The following WDFY4 variants were observed in gnomAD, a reference collection of about 807,000 sequenced individuals.
The protein encoded by WDFY4 is WDFY family member 4.
WDFY4 carries 169 observed loss-of-function variants against 351.9 expected under a neutral mutation model. The ratio of observed to expected loss-of-function variants is 0.48; its 90% confidence interval spans 0.42 to 0.55. The LOEUF (loss-of-function observed/expected upper bound fraction) is 0.55, where lower values mean the gene tolerates loss of function less well. WDFY4 is among the 20% of genes least tolerant of loss of function. The pLI, the probability that WDFY4 is intolerant of heterozygous loss-of-function variation, is 0.00. For synonymous variants in WDFY4, 1,622 were observed against 1,574.6 expected, an observed-to-expected ratio of 1.03 and a Z score of -0.71; for missense variants, 3,803 against 3,935.6, an observed-to-expected ratio of 0.97 and a Z score of 0.90.
intron 51 of WDFY4, among the ~76,000 whole-genome samples, chr10:48,953,948 A>C (rs1007290877): frequency 5.9e-5 from 9 of 152,204 alleles, no homozygotes; most frequent in African/African-American, 2.2e-4. Flanking sequence ...TTTAATATAG[A>C]ACATTTCTTT....
intron 47 of WDFY4, among the ~76,000 whole-genome samples, chr10:48,927,664 A>G (rs1227623079): frequency 2.0e-5 from 3 of 152,220 alleles, no homozygotes; most frequent in Non-Finnish European, 4.4e-5. Context: ...GTGGCTCTGC[A>G]CATGTGCTGC....
chr10:48,762,821 G>T (rs2065551189), intron 13 of WDFY4, among the ~76,000 whole-genome samples: 1 of 152,226 alleles, frequency 6.6e-6, no homozygotes, highest in African/African-American at 2.4e-5. Context: ...AGCAGAAGCT[G>T]CCAGGCCTGC....
At chr10:48,891,365 G>T (rs1029062552) in intron 44 of WDFY4, among the ~76,000 whole-genome samples, 2 of 152,198 alleles carry the variant, frequency 1.3e-5, no homozygotes, top group Non-Finnish European at 2.9e-5. Context: ...AAGTGCAGTT[G>T]GTCTATTTGG....
chr10:48,947,047 T>A, intron 51 of WDFY4, 78 bp downstream of exon 51: 1 of 1,213,814 alleles, frequency 8.2e-7, no homozygotes, highest in South Asian at 1.4e-5. Flanking sequence ...GACTAAGACC[T>A]GTGCTTGAAC....
intron 7 of WDFY4, 22 bp downstream of exon 7, chr10:48,727,681 G>A (rs994750691): frequency 5.8e-6 from 9 of 1,550,800 alleles, no homozygotes; most frequent in African/African-American, 5.5e-5. Flanking sequence ...TGTTTGGTAC[G>A]GGGAGAGCAC....
intron 51 of WDFY4, among the ~76,000 whole-genome samples, chr10:48,947,176 C>T (rs571089535): frequency 6.6e-6 from 1 of 152,092 alleles, no homozygotes; most frequent in Non-Finnish European, 1.5e-5. Flanking sequence ...TACACCTGCA[C>T]ATCTGCCCAA....
intron 40 of WDFY4, among the ~76,000 whole-genome samples, chr10:48,869,971 G>A (rs2069701356): frequency 6.6e-6 from 1 of 152,208 alleles, no homozygotes; most frequent in South Asian, 2.1e-4. Context: ...GAAGAATGCA[G>A]GGAAACGCAG....
At chr10:48,880,174 G>A (rs182818114) in intron 43 of WDFY4, among the ~76,000 whole-genome samples, 1 of 152,278 alleles carries the variant, frequency 6.6e-6, no homozygotes, top group East Asian at 1.9e-4. Flanking sequence ...TCCAAGGCTG[G>A]CCTGGGAGTT....
chr10:48,897,348 T>C, intron 44 of WDFY4, 106 bp from the exon 45 acceptor site: 1 of 1,455,852 alleles, frequency 6.9e-7, no homozygotes, highest in Non-Finnish European at 9.2e-7. Context: ...TGATGTGTCA[T>C]TGGAAATGTG....
chr10:48,949,560 G>A (rs1176590104), intron 51 of WDFY4, among the ~76,000 whole-genome samples: 2 of 152,160 alleles, frequency 1.3e-5, no homozygotes, highest in Non-Finnish European at 2.9e-5. Context: ...CTCCTGTGGT[G>A]GCTGGAAAGG....
intron 47 of WDFY4, among the ~76,000 whole-genome samples, chr10:48,905,032 C>T (rs1837547874): frequency 6.6e-6 from 1 of 152,222 alleles, no homozygotes; most frequent in African/African-American, 2.4e-5. Context: ...AATGCTGCAT[C>T]AATCATGACA....
intron 51 of WDFY4, among the ~76,000 whole-genome samples, chr10:48,955,367 A>T (rs144304728): frequency 9.1e-4 from 138 of 152,308 alleles, no homozygotes; most frequent in African/African-American, 3.0e-3. Context: ...ATCTCACTTG[A>T]TCTGACTCAG....
Position 48,723,467 on chromosome 10 carries a change from C to T in WDFY4, c.491C>T (p.Pro164Leu), listed in dbSNP as rs1056070442. 6.4e-6 allele frequency: 10 copies of T among 1,550,532 alleles called. No individual in the cohort carries two copies. In the Admixed American group the frequency reaches 1.4e-4, roughly 21 times the overall value. ...GGCAGGGTTGCTGAGTCTGGGCTTCCAGCCCTGCTCCTACAGTGCCTTTAC... is the reference window on the plus strand; with the variant it reads ...GGCAGGGTTGCTGAGTCTGGGCTTCTAGCCCTGCTCCTACAGTGCCTTTAC... Reference protein sequence around the residue: ...TLGRVAESGLPALLLQCLYLF... With the variant: ...TLGRVAESGLLALLLQCLYLF... The change falls in exon 5 of 62, where the codon CCA becomes CTA. Residue 164 changes from proline (P) to leucine (L), a missense_variant. Around this residue, in one of 3 missense-constraint regions of WDFY4, gnomAD observed 488 missense variants for 456.8 expected, o/e 1.07. Transcript: ENST00000325239.
chr10:48,732,751 C>A (rs2064508790), intron 9 of WDFY4, among the ~76,000 whole-genome samples: 1 of 152,238 alleles, frequency 6.6e-6, no homozygotes, highest in Admixed American at 6.5e-5. Context: ...ATAACAGGGG[C>A]TCAAGAAACA....
At chr10:48,717,715 T>C (rs7067842) in intron 2 of WDFY4, among the ~76,000 whole-genome samples, 40,373 of 152,214 alleles carry the variant, frequency 0.27, 6,135 homozygotes, top group East Asian at 0.65. Context: ...CTGGGATTCA[T>C]CCATGTTGAT....
At chr10:48,916,688 T>C (rs977202608) in intron 47 of WDFY4, among the ~76,000 whole-genome samples, 1 of 152,096 alleles carries the variant, frequency 6.6e-6, no homozygotes, top group African/African-American at 2.4e-5. Context: ...AGGGAAGAAA[T>C]TCAGGAAAAG....
At position 48,787,906 on chromosome 10, in the gene WDFY4, CTTCTTCTT is replaced by C. The variant is rs1565198663; in HGVS notation, c.3809-623_3809-616del. 2.2e-3 allele frequency among the ~76,000 whole-genome samples: 70 copies of C among 32,322 alleles called. 2 individuals carry two copies. Among genetic ancestry groups the C allele is most frequent in the African/African-American group, 0.011 (65 of 6,008 alleles). The allele number at this position is 32,322 out of a possible 152,430, so 21.2% of individuals were successfully genotyped here. ...TCTTCTTCTTCTCCTTCTTCTTCTT[CTTCTTCTT>C]CTTCTTCTTCTTCTTCTTCTTCTTC... On this transcript the variant is annotated intron_variant, in intron 20 of 61. Transcript: ENST00000325239.
At chr10:48,698,834 T>A (rs1022632592) in intron 1 of WDFY4, among the ~76,000 whole-genome samples, 6 of 152,176 alleles carry the variant, frequency 3.9e-5, no homozygotes, top group African/African-American at 9.7e-5. Flanking sequence ...TGTGCATGTG[T>A]GTAGGCAGAG....
intron 40 of WDFY4, among the ~76,000 whole-genome samples, chr10:48,869,828 T>G (rs1424993896): frequency 1.3e-5 from 2 of 152,214 alleles, no homozygotes; most frequent in Non-Finnish European, 2.9e-5. Flanking sequence ...CACTCTCTTC[T>G]AGGGCCTCTA....
Sources: gnomAD v4.1 joint callset for allele counts (sites outside exome capture counted in the v4.1 genomes callset) on GRCh38, gnomAD v4.1.1 for gene constraint, gnomAD v4.1.1 regional missense constraint, MANE v1.5 for transcripts, NCBI Gene and HGNC (gene_info 2026-07-23, HGNC 2026-07-21) for gene names.